Variants in SLC16A5 observed in about 807,000 individuals in gnomAD.
SLC16A5 encodes the protein monocarboxylate transporter 6.
SLC16A5 carries 29 observed loss-of-function variants against 33.2 expected under a neutral mutation model. The ratio of observed to expected loss-of-function variants is 0.87; its 90% confidence interval spans 0.65 to 1.19. The LOEUF is 1.19. SLC16A5 is among the 50% of genes most tolerant of loss of function. The probability of loss-of-function intolerance (pLI) is 0.00; values close to 1 mark genes in which losing one functional copy is unlikely to be tolerated. For synonymous variants in SLC16A5, 248 were observed against 284.1 expected, an observed-to-expected ratio of 0.87 and a Z score of 1.28; for missense variants, 606 against 678.2, an observed-to-expected ratio of 0.89 and a Z score of 1.18.
rs1199123408 is a variant in SLC16A5, at chr17:75,088,013, G to A, written c.-234G>A. On this transcript the variant is annotated 5_prime_UTR_variant, in exon 1 of 7. Transcript: ENST00000329783. ...GCAGGACGCCGCGCTCGGGGGAGCTGAGCCACCTCTCCGCCAGGCCCGTGC... is the reference window on the plus strand; with the variant it reads ...GCAGGACGCCGCGCTCGGGGGAGCTAAGCCACCTCTCCGCCAGGCCCGTGC... The A allele has an allele frequency of 6.6e-6, 1 of 152,372 alleles. No individual in the cohort carries two copies. The highest frequency in any genetic ancestry group is 2.4e-5 in the African/African-American group (1 of 41,468). The allele number at this position is 152,372 out of a possible 1,614,324, so 9.4% of individuals were successfully genotyped here. A position where few individuals can be genotyped will look rare whatever the true frequency, so the allele number is the denominator to read the frequency against.
chr17:75,090,602 A>G (rs570238091), intron 2 of SLC16A5, among the ~76,000 whole-genome samples: 1 of 151,908 alleles, frequency 6.6e-6, no homozygotes, highest in South Asian at 2.1e-4. Flanking sequence ...CTGCGACTAC[A>G]GGCGAGCCCC....
intron 5 of SLC16A5, among the ~76,000 whole-genome samples, chr17:75,103,655 G>C (rs544313535): frequency 3.9e-5 from 6 of 152,258 alleles, no homozygotes; most frequent in Non-Finnish European, 8.8e-5. Context: ...GCAAACAAGT[G>C]GGGAGAGCTC....
intron 3 of SLC16A5, 74 bp downstream of exon 3, chr17:75,093,909 G>A: frequency 6.5e-7 from 1 of 1,545,184 alleles, no homozygotes; most frequent in Non-Finnish European, 8.7e-7. Flanking sequence ...CTGGCCTTCT[G>A]ATTCCCTCTC....
At position 75,098,048 on chromosome 17, in the gene SLC16A5, C is replaced by T. The variant is rs1336209047; in HGVS notation, c.210C>T (p.Cys70=). The change falls in exon 4 of 7, where the codon TGC becomes TGT. Residue 70 remains cysteine (C), a synonymous_variant. Coordinates refer to ENST00000329783, the MANE Select transcript of SLC16A5 (RefSeq NM_004695.4). ...TGTCTTCTCCCACAGGGCCCCTGTGCAGCATCCTGGTGGGACGCTTCGGCT... is the reference window on the plus strand; with the variant it reads ...TGTCTTCTCCCACAGGGCCCCTGTGTAGCATCCTGGTGGGACGCTTCGGCT... The part of the protein sequence containing the change: ...TAVLHMAGPL[C]SILVGRFGCR... The T allele has an allele frequency of 3.1e-6, 5 of 1,596,600 alleles. No homozygotes were observed. The highest frequency in any genetic ancestry group is 4.3e-6 in the Non-Finnish European group (5 of 1,174,184).
chr17:75,107,883 G>T (rs1258368711), downstream of SLC16A5, among the ~76,000 whole-genome samples: 1 of 152,202 alleles, frequency 6.6e-6, no homozygotes, highest in East Asian at 1.9e-4. Context: ...CTTCCAGTGA[G>T]CTGAGATCGC....
chr17:75,092,293 C>T (rs2073649646), intron 2 of SLC16A5, among the ~76,000 whole-genome samples: 1 of 150,918 alleles, frequency 6.6e-6, no homozygotes, highest in African/African-American at 2.4e-5. Flanking sequence ...GTCTACGCAT[C>T]TGTGTAGTAT....
At chr17:75,095,600 C>T (rs939699004) in intron 3 of SLC16A5, among the ~76,000 whole-genome samples, 2 of 152,038 alleles carry the variant, frequency 1.3e-5, no homozygotes, top group South Asian at 4.1e-4. Context: ...CAAGCTCAAG[C>T]GATCCTGCCA....
At chr17:75,107,770 C>A (rs1598159186), downstream of SLC16A5, among the ~76,000 whole-genome samples, 1 of 152,222 alleles carries the variant, frequency 6.6e-6, no homozygotes, top group Non-Finnish European at 1.5e-5. Context: ...AACCTCGTCT[C>A]TATTAAAAAT....
chr17:75,103,989 C>T lies in SLC16A5; in HGVS notation c.1173C>T (p.Thr391=), dbSNP rs1425813721. The T allele has an allele frequency of 1.2e-6, 2 of 1,614,104 alleles. No homozygotes were observed. Among genetic ancestry groups the T allele is most frequent in the South Asian group, 1.1e-5 (1 of 91,062 alleles). ...CCCCAGGGTTGCTCCTGGACGCCAC[C>T]AACAACTTTAGCTATGTTTTCTACA... The part of the protein sequence containing the change: ...PPLAGLLLDA[T]NNFSYVFYMS... The change falls in exon 6 of 7, where the codon ACC becomes ACT. Residue 391 remains threonine (T), a synonymous_variant. Coordinates refer to ENST00000329783, the MANE Select transcript of SLC16A5 (RefSeq NM_004695.4).
chr17:75,092,759 TGA>T (rs2073657089), intron 2 of SLC16A5, among the ~76,000 whole-genome samples: 1 of 151,926 alleles, frequency 6.6e-6, no homozygotes, highest in Non-Finnish European at 1.5e-5. Context: ...CTTGTCTGTG[TGA>T]GTGTGCGCTG....
Position 75,104,050 on chromosome 17 carries a change from A to G in SLC16A5, c.1234A>G (p.Met412Val), listed in dbSNP as rs1342813107. 1.2e-6 allele frequency: 2 copies of G among 1,614,038 alleles called. No homozygotes were observed. Among genetic ancestry groups the G allele is most frequent in the African/African-American group, 1.3e-5 (1 of 74,904 alleles). ...CTTCCTCATCTCAGCTGCCCTCTTC[A>G]TGGGTGGCAGCTTCTACGCCCTGCA... ...SFFLISAALF[M>V]GGSFYALQKK... The change falls in exon 6 of 7, where the codon ATG (methionine) becomes GTG (valine). Residue 412 changes from methionine to valine, a missense_variant. Met to Val is a conservative substitution (Grantham distance 21). Coordinates refer to ENST00000329783, the MANE Select transcript of SLC16A5 (RefSeq NM_004695.4).
intron 3 of SLC16A5, among the ~76,000 whole-genome samples, chr17:75,094,126 C>T (rs2145008601): frequency 6.6e-6 from 1 of 152,330 alleles, no homozygotes; most frequent in East Asian, 1.9e-4. Flanking sequence ...CGCTCAGTGC[C>T]AGGCTGGGAA....
At chr17:75,088,935 A>G (rs2073603634) in intron 1 of SLC16A5, 1 of 152,234 alleles carries the variant, frequency 6.6e-6, no homozygotes, top group African/African-American at 2.4e-5. Context: ...GACCAGAAGT[A>G]TCGTCTAAAC....
At chr17:75,098,310 C>T in intron 4 of SLC16A5, 129 bp downstream of exon 4, 1 of 1,261,666 alleles carries the variant, frequency 7.9e-7, no homozygotes, top group East Asian at 2.5e-5. Context: ...CACCTGTTAT[C>T]CCAGCACTTT....
intron 3 of SLC16A5, among the ~76,000 whole-genome samples, chr17:75,097,627 T>A (rs1255063482): frequency 6.6e-6 from 1 of 152,008 alleles, no homozygotes; most frequent in Non-Finnish European, 1.5e-5. Context: ...AGGTGCACAC[T>A]GTAGTCTAGA....
In SLC16A5 at chr17:75,099,728, C is replaced by T. The variant is rs141985557; in HGVS notation, c.344-279C>T. On this transcript the variant is annotated intron_variant, in intron 4 of 6. Coordinates refer to ENST00000329783, the MANE Select transcript of SLC16A5 (RefSeq NM_004695.4). ...TGCTGGGATTACAGGCGTGAGCCAC[C>T]GCGCTCGGCCCAATTTGGGTTTTTA... Among the ~76,000 whole-genome samples, 43 of 152,310 alleles carry T rather than the reference C, an allele frequency of 2.8e-4. 1 individual carries two copies. The highest frequency in any genetic ancestry group is 1.0e-3 in the African/African-American group (42 of 41,568).
At chr17:75,094,719 A>T (rs1265939336) in intron 3 of SLC16A5, among the ~76,000 whole-genome samples, 2 of 148,446 alleles carry the variant, frequency 1.3e-5, no homozygotes, top group South Asian at 2.1e-4. Flanking sequence ...CAAGAGGGGG[A>T]CAAGGCAGGA....
intron 2 of SLC16A5, chr17:75,093,299 AC>A (rs1291876053): frequency 5.5e-6 from 5 of 903,192 alleles, no homozygotes; most frequent in African/African-American, 4.9e-5. Context: ...AGACAATTGT[AC>A]CCCATTGCCT....
chr17:75,109,449 G>A (rs528960330), downstream of SLC16A5, among the ~76,000 whole-genome samples: 115 of 152,332 alleles, frequency 7.5e-4, no homozygotes, highest in Non-Finnish European at 1.0e-3. This position sits in a 1 kb window ranked among gnomAD's most constrained non-coding sequence, Gnocchi z 5.0. Context: ...GGTCAAGGAG[G>A]ATGGGCCGCG....
Sources: gnomAD v4.1 joint callset for allele counts (sites outside exome capture counted in the v4.1 genomes callset) on GRCh38, gnomAD v4.1.1 for gene constraint, Gnocchi (gnomAD v3.1) non-coding constraint, MANE v1.5 for transcripts, NCBI Gene and HGNC (gene_info 2026-07-23, HGNC 2026-07-21) for gene names.